Variants in RIT2 observed in about 807,000 individuals in gnomAD.
RIT2 encodes Ras like without CAAX 2, also known as GTP-binding protein Rit2.
RIT2 carries 24 observed loss-of-function variants against 23.7 expected under a neutral mutation model. The ratio of observed to expected loss-of-function variants is 1.01; its 90% CI spans 0.73 to 1.43. RIT2 has a LOEUF of 1.43. Among genes scored for constraint, RIT2 ranks in the 40% most tolerant of loss-of-function variants. The probability of loss-of-function intolerance (pLI) is 0.00; values close to 1 mark genes in which losing one functional copy is unlikely to be tolerated. For missense variants in RIT2, 236 were observed against 266.9 expected (o/e 0.88, Z 0.81); for synonymous variants, 107 against 91.1 (o/e 1.17, Z -0.99).
intron 4 of RIT2, among the ~76,000 whole-genome samples, chr18:42,755,470 CCTGA>C (rs1913140108): frequency 6.6e-6 from 1 of 152,154 alleles, no homozygotes; most frequent in Admixed American, 6.5e-5. Flanking sequence ...AGACACCTTG[CCTGA>C]CTGTCCTCTC....
chr18:42,897,657 A>G (rs1218753537), intron 4 of RIT2, among the ~76,000 whole-genome samples: 1 of 152,222 alleles, frequency 6.6e-6, no homozygotes, highest in Non-Finnish European at 1.5e-5. Context: ...AAAAAAATGT[A>G]TAAAACACCT....
chr18:42,806,124 T>C (rs192641806), intron 4 of RIT2, among the ~76,000 whole-genome samples: 1,890 of 146,260 alleles, frequency 0.013, 12 homozygotes, highest in Non-Finnish European at 0.019. Context: ...TATATATATA[T>C]ATATATTTTA....
At chr18:42,919,713 CA>C (rs879282177) in intron 4 of RIT2, among the ~76,000 whole-genome samples, 104 of 141,320 alleles carry the variant, frequency 7.4e-4, no homozygotes, top group Non-Finnish European at 5.7e-4. Context: ...GACTCCATCT[CA>C]AAAAAAAAAA....
At chr18:42,875,784 C>T (rs1460334059) in intron 4 of RIT2, among the ~76,000 whole-genome samples, 2 of 151,972 alleles carry the variant, frequency 1.3e-5, no homozygotes, top group Non-Finnish European at 2.9e-5. Context: ...TTTTTCCTGT[C>T]CTTCTTTCTG....
intron 1 of RIT2, among the ~76,000 whole-genome samples, chr18:43,044,256 G>A (rs1912196003): frequency 6.6e-6 from 1 of 152,164 alleles, no homozygotes; most frequent in Middle Eastern, 3.4e-3. Context: ...TTGGGTAAGA[G>A]GTATCCCGAT....
intron 1 of RIT2, among the ~76,000 whole-genome samples, chr18:43,105,132 TTG>T (rs1226796817): frequency 8.5e-4 from 75 of 87,768 alleles, no homozygotes; most frequent in African/African-American, 1.9e-3. Context: ...GTGTGTGTGT[TTG>T]TGTGTGTGTG....
At chr18:42,872,849 CATA>C (rs950550796) in intron 4 of RIT2, among the ~76,000 whole-genome samples, 4 of 152,104 alleles carry the variant, frequency 2.6e-5, no homozygotes, top group African/African-American at 9.7e-5. Flanking sequence ...TTGTTTTTAT[CATA>C]ATAATAACTG....
chr18:42,897,030 T>C lies in RIT2; in HGVS notation c.426+26542A>G, dbSNP rs139474880. Among the ~76,000 whole-genome samples the C allele has an allele frequency of 3.3e-3, 504 of 152,302 alleles. 1 individual carries two copies. The highest frequency in any genetic ancestry group is 4.3e-3 in the Admixed American group (66 of 15,290). On this transcript the variant is annotated intron_variant, in intron 4 of 4. Coordinates refer to ENST00000326695, the MANE Select transcript of RIT2 (RefSeq NM_002930.4). ...TCAGTCAGGTGTGACTTTTTCTCTATACCTATCATAATCCTTTATCTTTTC... is the reference window on the plus strand; with the variant it reads ...TCAGTCAGGTGTGACTTTTTCTCTACACCTATCATAATCCTTTATCTTTTC...
At chr18:43,006,227 C>A (rs980239421) in intron 2 of RIT2, among the ~76,000 whole-genome samples, 2 of 151,020 alleles carry the variant, frequency 1.3e-5, no homozygotes, top group African/African-American at 2.4e-5. Flanking sequence ...TCTAAAATAT[C>A]AGGAAAATAA....
chr18:42,862,533 G>A (rs1254595747), intron 4 of RIT2, among the ~76,000 whole-genome samples: 2 of 152,144 alleles, frequency 1.3e-5, no homozygotes, highest in African/African-American at 4.8e-5. Flanking sequence ...TTGCATTGTG[G>A]TAAATATTAT....
chr18:42,811,079 A>T (rs1312780567), intron 4 of RIT2, among the ~76,000 whole-genome samples: 1 of 152,040 alleles, frequency 6.6e-6, no homozygotes, highest in Non-Finnish European at 1.5e-5. Flanking sequence ...CTGGAAAGTT[A>T]GAGTAGATGA....
chr18:42,831,969 C>T (rs914675889), intron 4 of RIT2, among the ~76,000 whole-genome samples: 3 of 152,158 alleles, frequency 2.0e-5, no homozygotes, highest in Non-Finnish European at 4.4e-5. Context: ...TTGATATCCA[C>T]TCAATTTTCT....
rs1177352612 is a variant in RIT2 at position 42,789,952 on chromosome 18, TG to T, written c.427-46233del. On this transcript the variant is annotated intron_variant, in intron 4 of 4. Transcript: ENST00000326695. Reference sequence around the variant, plus strand: ...TTCCCATTCAATGTGATAATGGCTATGTGGGTTTATAATACACGACCCTTAT... The same window carrying T: ...TTCCCATTCAATGTGATAATGGCTATTGGGTTTATAATACACGACCCTTAT... Among the ~76,000 whole-genome samples the T allele has an allele frequency of 2.0e-5, 3 of 152,318 alleles. No homozygotes were observed. The East Asian group carries it at 5.8e-4, about 29-fold the overall frequency.
chr18:42,777,132 G>A (rs992695984), intron 4 of RIT2, among the ~76,000 whole-genome samples: 2 of 152,044 alleles, frequency 1.3e-5, no homozygotes, highest in Non-Finnish European at 2.9e-5. Context: ...TGAATAATGT[G>A]CTATTTACTG....
chr18:43,092,956 T>C (rs1913459904), intron 1 of RIT2, among the ~76,000 whole-genome samples: 1 of 152,052 alleles, frequency 6.6e-6, no homozygotes, highest in South Asian at 2.1e-4. Context: ...TATTAGCTAA[T>C]ACGAGCTTTG....
At chr18:42,912,789 G>T (rs1568028603) in intron 4 of RIT2, among the ~76,000 whole-genome samples, 4 of 151,794 alleles carry the variant, frequency 2.6e-5, no homozygotes, top group South Asian at 4.1e-4. Flanking sequence ...TAAATACTTG[G>T]AAAAACATAT....
intron 2 of RIT2, among the ~76,000 whole-genome samples, chr18:42,975,656 G>A (rs2092057243): frequency 6.6e-6 from 1 of 152,092 alleles, no homozygotes; most frequent in African/African-American, 2.4e-5. Flanking sequence ...TGGGACAACA[G>A]TAAGTGAGCC....
In RIT2 at chr18:43,019,497, A is replaced by C. The variant is rs1911548333; in HGVS notation, c.160+14314T>G. 2.0e-5 allele frequency among the ~76,000 whole-genome samples: 3 copies of C among 149,576 alleles called. No homozygotes were observed. The South Asian group carries it at 6.3e-4, about 31-fold the overall frequency. On this transcript the variant is annotated intron_variant, in intron 2 of 4. Coordinates refer to ENST00000326695, the MANE Select transcript of RIT2 (RefSeq NM_002930.4). ...ATAAAATTCAATATCCCTTCATGAC[A>C]AAAAAAAACCCCAAAAACTAGACAT...
intron 1 of RIT2, among the ~76,000 whole-genome samples, chr18:43,062,681 A>G (rs1030964009): frequency 1.3e-5 from 2 of 152,174 alleles, no homozygotes; most frequent in African/African-American, 4.8e-5. Context: ...TGTAGTATCT[A>G]GAACAGAGCT....
Sources: allele counts gnomAD v4.1 joint callset (sites outside exome capture counted in the v4.1 genomes callset), GRCh38; gene constraint gnomAD v4.1.1; transcripts MANE v1.5; gene names NCBI Gene and HGNC (gene_info 2026-07-23, HGNC 2026-07-21).